The following GALC variants were observed in gnomAD, a reference collection of about 807,000 sequenced individuals.
GALC encodes galactocerebrosidase.
A neutral mutation model predicts 91.8 loss-of-function variants in GALC; 77 were observed. The observed-to-expected ratio is 0.84, with a 90% confidence interval of 0.70 to 1.01. The LOEUF (loss-of-function observed/expected upper bound fraction) is 1.01. GALC is among the 50% of genes least tolerant of loss of function. The pLI is 0.00. For missense variants in GALC, 882 were observed against 855.9 expected (o/e 1.03, Z -0.38); for synonymous variants, 357 against 306.7 (o/e 1.16, Z -1.71).
chr14:87,950,811 G>C (rs1378690163), intron 10 of GALC, 63 bp from the exon 11 acceptor site: 25 of 984,444 alleles, frequency 2.5e-5, no homozygotes, highest in Non-Finnish European at 3.9e-5. Flanking sequence ...GGGAAAAAAA[G>C]TTCAACAGTT....
rs114726103 is a variant in GALC, at chr14:87,944,177, T to C, written c.1670+1376A>G. 4.5e-3 allele frequency among the ~76,000 whole-genome samples: 681 copies of C among 152,034 alleles called. 4 individuals carry two copies. The highest frequency in any genetic ancestry group is 0.016 in the African/African-American group (644 of 41,518). ...GTGAAGATGTATATGAAGATTCAAA[T>C]ATATGAAGATCTGGGGGAGTAAATC... is the stretch of plus-strand genomic sequence containing the variant. On this transcript the variant is annotated intron_variant, in intron 14 of 16. Coordinates refer to ENST00000261304, the MANE Select transcript of GALC (RefSeq NM_000153.4).
chr14:87,983,081 T>C (rs372620637), intron 5 of GALC, among the ~76,000 whole-genome samples: 2 of 152,190 alleles, frequency 1.3e-5, no homozygotes, highest in South Asian at 4.1e-4. Flanking sequence ...GGCTCATTCC[T>C]GTAATCCCAG....
In GALC at chr14:87,934,479, G is replaced by A; in HGVS notation, c.*253C>T. On this transcript the variant is annotated 3_prime_UTR_variant, in exon 17 of 17. Coordinates refer to ENST00000261304, the MANE Select transcript of GALC (RefSeq NM_000153.4). Reference sequence around the variant, plus strand: ...CTACTCAAACCACTCCTAAGGGTATGGCCAATGCACAGTTTGAATGTTAGG... The same window carrying A: ...CTACTCAAACCACTCCTAAGGGTATAGCCAATGCACAGTTTGAATGTTAGG... 2 of 1,378,690 alleles carry A rather than the reference G, an allele frequency of 1.5e-6. No individual in the cohort carries two copies. The highest frequency in any genetic ancestry group is 1.9e-6 in the Non-Finnish European group (2 of 1,066,742). 85.4% of individuals were successfully genotyped at this position (1,378,690 alleles called of 1,614,324 possible).
At chr14:87,939,753 C>G (rs1884753019) in intron 16 of GALC, 152 bp downstream of exon 16, 2 of 693,304 alleles carry the variant, frequency 2.9e-6, no homozygotes, top group South Asian at 3.0e-5. Flanking sequence ...ATGTAACTAT[C>G]CTAGGGATGA....
intron 10 of GALC, among the ~76,000 whole-genome samples, chr14:87,960,351 G>A (rs921867872): frequency 6.6e-6 from 1 of 152,198 alleles, no homozygotes; most frequent in Non-Finnish European, 1.5e-5. Context: ...TTGCACACTA[G>A]GGTGAAGACG....
intron 14 of GALC, among the ~76,000 whole-genome samples, chr14:87,943,164 A>G (rs1332688057): frequency 6.6e-6 from 1 of 152,068 alleles, no homozygotes; most frequent in Non-Finnish European, 1.5e-5. Context: ...TTCCACAGCC[A>G]CAATCTCTCA....
intron 7 of GALC, among the ~76,000 whole-genome samples, chr14:87,974,630 T>C (rs1050612421): frequency 5.3e-5 from 8 of 151,986 alleles, no homozygotes; most frequent in Non-Finnish European, 1.2e-4. Context: ...ATATATAAAC[T>C]CAATTCTGTA....
chr14:87,942,666 G>A (rs1023306221), intron 14 of GALC, among the ~76,000 whole-genome samples: 18 of 151,996 alleles, frequency 1.2e-4, no homozygotes, highest in African/African-American at 4.1e-4. Flanking sequence ...ATGAGATCTA[G>A]AATTATGTGG....
chr14:87,970,875 C>T (rs1320376754), intron 7 of GALC, among the ~76,000 whole-genome samples: 1 of 62,978 alleles, frequency 1.6e-5, no homozygotes, highest in Non-Finnish European at 3.0e-5. Context: ...GACTCTGTCT[C>T]AAAAAAAAAA....
intron 7 of GALC, 24 bp downstream of exon 7, chr14:87,976,334 T>C (rs1363702788): frequency 6.2e-7 from 1 of 1,613,144 alleles, no homozygotes; most frequent in Non-Finnish European, 8.5e-7. Context: ...AAACTGCTAG[T>C]TTTCCAAGTA....
chr14:87,964,757 C>T (rs1885960247), intron 9 of GALC, among the ~76,000 whole-genome samples: 1 of 152,064 alleles, frequency 6.6e-6, no homozygotes, highest in South Asian at 2.1e-4. Flanking sequence ...TTGTGGGAAA[C>T]CCAATTTGCC....
chr14:87,975,071 T>C (rs185836397), intron 7 of GALC, among the ~76,000 whole-genome samples: 2 of 152,160 alleles, frequency 1.3e-5, no homozygotes, highest in East Asian at 1.9e-4. Context: ...ATGTATAAAA[T>C]GTTTAAATAT....
chr14:87,947,917 T>G, intron 12 of GALC, 39 bp from the exon 13 acceptor site: 1 of 1,586,634 alleles, frequency 6.3e-7, no homozygotes, highest in Non-Finnish European at 8.7e-7. Context: ...GACCAGGTAC[T>G]ATAGCTCATC....
chr14:87,968,586 T>C, intron 7 of GALC, 96 bp from the exon 8 acceptor site: 5 of 1,186,494 alleles, frequency 4.2e-6, no homozygotes, highest in Non-Finnish European at 6.2e-6. Context: ...ACGAGTCTTC[T>C]CCAAGGTTTT....
intron 5 of GALC, among the ~76,000 whole-genome samples, chr14:87,983,792 AAC>A (rs1156648413): frequency 2.6e-5 from 4 of 152,324 alleles, no homozygotes; most frequent in African/African-American, 9.6e-5. Context: ...GGTGTTAACT[AAC>A]AGTTTGTGAC....
chr14:87,974,504 A>T (rs1486719761), intron 7 of GALC, among the ~76,000 whole-genome samples: 1 of 152,160 alleles, frequency 6.6e-6, no homozygotes, highest in Non-Finnish European at 1.5e-5. Flanking sequence ...CTAAGATTGA[A>T]AGGAGAAATA....
At chr14:87,946,263 AAAATTTAC>A (rs1284086844) in intron 13 of GALC, among the ~76,000 whole-genome samples, 1 of 152,130 alleles carries the variant, frequency 6.6e-6, no homozygotes, top group Non-Finnish European at 1.5e-5. Context: ...TATCAAGCAT[AAAATTTAC>A]AAATTTTCTT....
chr14:87,992,333 G>C (rs1887233911), intron 1 of GALC: 1 of 1,535,548 alleles, frequency 6.5e-7, no homozygotes, highest in African/African-American at 1.4e-5. Context: ...AAGCCCATGG[G>C]CCCAGAGGGA....
intron 12 of GALC, 36 bp from the exon 13 acceptor site, chr14:87,947,914 T>A (rs767950761): frequency 2.5e-6 from 4 of 1,593,336 alleles, no homozygotes; most frequent in East Asian, 2.2e-5. Flanking sequence ...CAGGACCAGG[T>A]ACTATAGCTC....
Sources: allele counts gnomAD v4.1 joint callset (sites outside exome capture counted in the v4.1 genomes callset), GRCh38; gene constraint gnomAD v4.1.1; transcripts MANE v1.5; gene names NCBI Gene and HGNC (gene_info 2026-07-23, HGNC 2026-07-21).